Variants in ARHGEF7 observed in about 807,000 individuals in gnomAD.
ARHGEF7 encodes the protein PAK-interacting exchange factor beta.
Under a neutral mutation model 109.8 loss-of-function variants are expected in ARHGEF7, and 33 were observed. That is an observed-to-expected ratio of 0.30 (90% CI 0.23 to 0.40). ARHGEF7 has a LOEUF of 0.40. Ranked by LOEUF, ARHGEF7 falls within the 10% of genes least tolerant of loss-of-function variation. ARHGEF7 has a pLI of 1.00. For synonymous variants in ARHGEF7, 458 were observed against 424.6 expected (o/e 1.08, Z -0.97); for missense variants, 938 against 1,098.5 (o/e 0.85, Z 2.07).
intron 10 of ARHGEF7, 78 bp downstream of exon 10, chr13:111,274,030 A>G: frequency 6.7e-7 from 1 of 1,496,538 alleles, no homozygotes; most frequent in Non-Finnish European, 9.1e-7. Flanking sequence ...GAAAGAAAGT[A>G]TTATTCATGA....
At chr13:111,195,434 C>T (rs2080379606) in intron 2 of ARHGEF7, among the ~76,000 whole-genome samples, 1 of 152,220 alleles carries the variant, frequency 6.6e-6, no homozygotes, top group South Asian at 2.1e-4. Flanking sequence ...TACCTGGTTA[C>T]AGGCTGCCCC....
intron 18 of ARHGEF7, among the ~76,000 whole-genome samples, chr13:111,289,156 T>C (rs952389229): frequency 1.3e-5 from 2 of 152,122 alleles, no homozygotes; most frequent in Non-Finnish European, 2.9e-5. Context: ...CTCAGCCTCC[T>C]GAGTTCCTGG....
intron 1 of ARHGEF7, among the ~76,000 whole-genome samples, chr13:111,116,972 C>T (rs1227204301): frequency 6.6e-6 from 1 of 152,166 alleles, no homozygotes; most frequent in Non-Finnish European, 1.5e-5. Context: ...AACCTGATGT[C>T]ACAGTGAAAT....
Position 111,115,595 on chromosome 13 carries a change from C to T in ARHGEF7, c.69C>T (p.Thr23=), listed in dbSNP as rs933134690. The T allele has an allele frequency of 7.0e-7, 1 of 1,424,156 alleles. No individual in the cohort carries two copies. Among genetic ancestry groups the T allele is most frequent in the Non-Finnish European group, 9.3e-7 (1 of 1,072,718 alleles). 88.2% of individuals were successfully genotyped at this position (1,424,156 alleles called of 1,614,324 possible). ...GGGTGCTGGAGTCGCCCAAAAAAAC[C>T]ATCTCGGACCCGGAGGGCTTTCTGC... ...TLGVLESPKK[T]ISDPEGFLQA... Residue 23 remains threonine, a synonymous_variant, in exon 1 of 22, where the codon ACC becomes ACT. Transcript: ENST00000646102.
chr13:111,222,889 C>A (rs576600646), intron 5 of ARHGEF7, among the ~76,000 whole-genome samples: 1 of 152,190 alleles, frequency 6.6e-6, no homozygotes, highest in Non-Finnish European at 1.5e-5. Flanking sequence ...TTACAAGTAC[C>A]TGCAGTCAAC....
chr13:111,160,800 T>C (rs921421185), intron 2 of ARHGEF7, among the ~76,000 whole-genome samples: 2 of 152,214 alleles, frequency 1.3e-5, no homozygotes, highest in Non-Finnish European at 2.9e-5. Flanking sequence ...CCCCCTTTGC[T>C]CCTCACCCTT....
chr13:111,193,426 T>G (rs1051649224), intron 2 of ARHGEF7, among the ~76,000 whole-genome samples: 3 of 152,210 alleles, frequency 2.0e-5, no homozygotes, highest in Non-Finnish European at 2.9e-5. Flanking sequence ...CCTTACACTT[T>G]GGCAGTGTAA....
In ARHGEF7 at chr13:111,219,947, C is replaced by T. The variant is rs148526217; in HGVS notation, c.670+2067C>T. 2.6e-3 allele frequency among the ~76,000 whole-genome samples: 390 copies of T among 152,250 alleles called. 2 individuals carry two copies. Among genetic ancestry groups the T allele is most frequent in the South Asian group, 0.011 (53 of 4,810 alleles). On this transcript the variant is annotated intron_variant, in intron 5 of 21. Transcript: ENST00000646102. ...GTTCATGTGTAGAGCCCACTGAGAG[C>T]GCGGCACTGGCACCATGCTGAGGCG... is the stretch of plus-strand genomic sequence containing the variant.
Position 111,286,249 on chromosome 13 carries a change from C to A in ARHGEF7, c.2044+9C>A. On this transcript the variant is annotated intron_variant, in intron 17 of 21. Coordinates refer to ENST00000646102, the MANE Select transcript of ARHGEF7 (RefSeq NM_001354046.2). ...GTTCGCGTCCCGGAAAAGTGAGTAC[C>A]TGCGGTCCGTGTGGTGGAGGACGTG... 1 of 1,610,330 alleles carries A rather than the reference C, an allele frequency of 6.2e-7. No individual in the cohort carries two copies. The highest frequency in any genetic ancestry group is 8.5e-7 in the Non-Finnish European group (1 of 1,177,154).
chr13:111,297,344 G>A (rs1181279282), intron 19 of ARHGEF7, among the ~76,000 whole-genome samples: 1 of 152,180 alleles, frequency 6.6e-6, no homozygotes, highest in African/African-American at 2.4e-5. Flanking sequence ...CAGGAATCAA[G>A]CAGTACATCC....
intron 2 of ARHGEF7, among the ~76,000 whole-genome samples, chr13:111,186,163 C>T (rs2079238210): frequency 6.6e-6 from 1 of 152,100 alleles, no homozygotes; most frequent in African/African-American, 2.4e-5. Context: ...GAGGTTGCGC[C>T]CGGTCTGCAG....
intron 2 of ARHGEF7, among the ~76,000 whole-genome samples, chr13:111,171,784 A>G (rs913381118): frequency 2.6e-5 from 4 of 152,110 alleles, no homozygotes; most frequent in Non-Finnish European, 1.5e-5. Flanking sequence ...TGAAATCCTA[A>G]CCCCCAAGGT....
At chr13:111,193,480 A>C (rs2080142050) in intron 2 of ARHGEF7, among the ~76,000 whole-genome samples, 1 of 152,260 alleles carries the variant, frequency 6.6e-6, no homozygotes, top group East Asian at 1.9e-4. Flanking sequence ...CAATGACTCC[A>C]TAATTTCCTT....
rs191757472 is a variant in ARHGEF7 at position 111,221,027 on chromosome 13, T to A, written c.670+3147T>A. ...GGGAGTTTATTATATATACATGTTA[T>A]ATATATATAAAGGGGAGATATATAT... On this transcript the variant is annotated intron_variant, in intron 5 of 21. Coordinates refer to ENST00000646102, the MANE Select transcript of ARHGEF7 (RefSeq NM_001354046.2). Among the ~76,000 whole-genome samples, 1,392 of 147,780 alleles carry A rather than the reference T, an allele frequency of 9.4e-3. 24 individuals are homozygous for A. The highest frequency in any genetic ancestry group is 0.033 in the African/African-American group (1,311 of 40,138).
rs755564272 is a variant in ARHGEF7, at chr13:111,267,551, G to A, written c.954G>A (p.Leu318=). Residue 318 remains leucine, a synonymous_variant, in exon 9 of 22, where the codon TTG becomes TTA. Transcript: ENST00000646102. ...LVQSLEECTK[L]PEAQQRVGGC... Reference sequence around the variant, plus strand: ...CCTTTGTGTCGCATTTCTCCAGGTTGCCCGAAGCTCAGCAGAGAGTCGGAG... The same window carrying A: ...CCTTTGTGTCGCATTTCTCCAGGTTACCCGAAGCTCAGCAGAGAGTCGGAG... The A allele has an allele frequency of 6.3e-5, 102 of 1,613,682 alleles. No homozygotes were observed. Among genetic ancestry groups the A allele is most frequent in the Non-Finnish European group, 8.3e-5 (98 of 1,179,814 alleles).
In ARHGEF7 at chr13:111,249,350, C is replaced by T. The variant is rs145879681; in HGVS notation, c.950+5056C>T. On this transcript the variant is annotated intron_variant, in intron 8 of 21. Transcript: ENST00000646102. ...GCAGGTCTCAATCGATAGAGGTTTACGTAGCTGCAGTTGAGGACGTGCCAG... is the reference window on the plus strand; with the variant it reads ...GCAGGTCTCAATCGATAGAGGTTTATGTAGCTGCAGTTGAGGACGTGCCAG... Among the ~76,000 whole-genome samples the T allele has an allele frequency of 6.7e-3, 1,024 of 152,062 alleles. 8 individuals carry two copies. Among genetic ancestry groups the T allele is most frequent in the Admixed American group, 7.7e-3 (117 of 15,266 alleles).
intron 1 of ARHGEF7, among the ~76,000 whole-genome samples, chr13:111,149,280 C>A (rs535996860): frequency 1.3e-5 from 2 of 151,514 alleles, no homozygotes; most frequent in East Asian, 3.9e-4. Context: ...AAAAGAAATA[C>A]ACTTCCAGAT....
intron 6 of ARHGEF7, among the ~76,000 whole-genome samples, chr13:111,233,821 T>G (rs774085760): frequency 5.9e-5 from 9 of 152,208 alleles, no homozygotes; most frequent in Non-Finnish European, 1.2e-4. Flanking sequence ...AATTTGCTGC[T>G]TAATATGTTC....
intron 19 of ARHGEF7, chr13:111,293,894 A>G (rs1472343781): frequency 1.0e-6 from 1 of 985,384 alleles, no homozygotes; most frequent in South Asian, 4.7e-5. Context: ...ACAAGCCCAG[A>G]GCTGCCAGGG....
Sources: gnomAD v4.1 joint callset for allele counts (sites outside exome capture counted in the v4.1 genomes callset) on GRCh38, gnomAD v4.1.1 for gene constraint, MANE v1.5 for transcripts, NCBI Gene and HGNC (gene_info 2026-07-23, HGNC 2026-07-21) for gene names.